ANKS1B: variants seen among roughly 807,000 people sequenced by gnomAD.
ANKS1B encodes the protein ankyrin repeat and sterile alpha motif domain-containing protein 1B.
In ANKS1B, 36 loss-of-function variants were observed where a neutral mutation model predicts 148.3. The observed-to-expected ratio is 0.24, with a 90% CI of 0.19 to 0.32. The LOEUF (loss-of-function observed/expected upper bound fraction) is 0.32. Ranked by LOEUF, ANKS1B falls within the 10% of genes least tolerant of loss-of-function variation. The pLI, the probability that ANKS1B is intolerant of heterozygous loss-of-function variation, is 1.00. For missense variants in ANKS1B, 1,157 were observed against 1,542.6 expected (o/e 0.75, Z 4.19); for synonymous variants, 542 against 560.8 (o/e 0.97, Z 0.47).
chr12:99,205,066 C>T (rs554025108), intron 14 of ANKS1B, among the ~76,000 whole-genome samples: 1 of 152,020 alleles, frequency 6.6e-6, no homozygotes, highest in Non-Finnish European at 1.5e-5. Context: ...AGGCCCCCCC[C>T]AAAAAGAAAA....
At chr12:99,655,483 T>C (rs941888186) in intron 8 of ANKS1B, among the ~76,000 whole-genome samples, 1 of 152,122 alleles carries the variant, frequency 6.6e-6, no homozygotes, top group South Asian at 2.1e-4. Context: ...TAATAAAATA[T>C]TTGAATAGCA....
chr12:99,825,281 C>G (rs761049098), intron 2 of ANKS1B, 28 bp downstream of exon 2: 26 of 1,580,032 alleles, frequency 1.6e-5, no homozygotes, highest in Non-Finnish European at 1.6e-5. Context: ...TAAATACACA[C>G]GATTCCGTCC....
chr12:99,962,652 T>G (rs1042231104), intron 1 of ANKS1B, among the ~76,000 whole-genome samples: 1 of 152,210 alleles, frequency 6.6e-6, no homozygotes, highest in African/African-American at 2.4e-5. Flanking sequence ...TTGAACTAAT[T>G]TATATGCCCA....
In ANKS1B at chr12:99,800,441, C is replaced by CAAAA. The variant is rs138056927; in HGVS notation, c.669+5959_669+5962dup. ...CAACCTAAGCAGACAATACAGAAGC[C>CAAAA]AAAAAAAAAAAAAAAAAAAACGGAG... is the stretch of plus-strand genomic sequence containing the variant. On this transcript the variant is annotated intron_variant, in intron 4 of 26. Transcript: ENST00000683438. 4.5e-4 allele frequency among the ~76,000 whole-genome samples: 39 copies of CAAAA among 86,740 alleles called. 1 individual carries two copies. Among genetic ancestry groups the CAAAA allele is most frequent in the African/African-American group, 1.5e-3 (36 of 23,372 alleles). The allele number at this position is 86,740 out of a possible 152,430, so 56.9% of individuals were successfully genotyped here. A position where few individuals can be genotyped will look rare whatever the true frequency, so the allele number is the denominator to read the frequency against.
intron 11 of ANKS1B, among the ~76,000 whole-genome samples, chr12:99,437,707 A>G (rs902845426): frequency 3.3e-5 from 5 of 151,898 alleles, no homozygotes; most frequent in African/African-American, 1.2e-4. Flanking sequence ...ACACCTCCTA[A>G]CAAAATATTT....
At chr12:99,207,385 TG>T (rs1389999116) in intron 14 of ANKS1B, among the ~76,000 whole-genome samples, 1 of 42,998 alleles carries the variant, frequency 2.3e-5, no homozygotes, top group African/African-American at 2.0e-4. Context: ...TAGATATTTA[TG>T]AAATATCAGT....
intron 17 of ANKS1B, among the ~76,000 whole-genome samples, chr12:98,886,104 A>T (rs2099739495): frequency 6.6e-6 from 1 of 152,196 alleles, no homozygotes; most frequent in Non-Finnish European, 1.5e-5. Context: ...AGCATATAGG[A>T]ACTAAATCTA....
At chr12:99,860,290 A>G (rs1476839957) in intron 1 of ANKS1B, among the ~76,000 whole-genome samples, 7 of 152,316 alleles carry the variant, frequency 4.6e-5, no homozygotes, top group African/African-American at 1.7e-4. Flanking sequence ...AAAGGCAAAA[A>G]CTACCTTCTA....
intron 12 of ANKS1B, among the ~76,000 whole-genome samples, chr12:99,318,806 T>C (rs2084668494): frequency 6.6e-6 from 1 of 152,188 alleles, no homozygotes; most frequent in African/African-American, 2.4e-5. Flanking sequence ...CGGTGGGCAT[T>C]TAGTGCTATA....
chr12:99,795,282 T>C lies in ANKS1B; in HGVS notation c.669+11122A>G, dbSNP rs190438941. On this transcript the variant is annotated intron_variant, in intron 4 of 26. Coordinates refer to ENST00000683438, the MANE Select transcript of ANKS1B (RefSeq NM_001352186.2). ...CTTTAAGACACTCTGAGGGAAAAAA[T>C]TGCCTAAAAAGAAATAATAATTAGA... Among the ~76,000 whole-genome samples the C allele has an allele frequency of 1.3e-4, 20 of 151,238 alleles. No homozygotes were observed. In the East Asian group the frequency reaches 3.9e-3, roughly 29 times the overall value.
At chr12:99,957,698 C>G (rs2153828902) in intron 1 of ANKS1B, among the ~76,000 whole-genome samples, 1 of 152,286 alleles carries the variant, frequency 6.6e-6, no homozygotes, top group Middle Eastern at 3.4e-3. Context: ...TGGCAATGGG[C>G]ACAATGCCTA....
chr12:99,469,101 T>C (rs2096190508), intron 10 of ANKS1B, among the ~76,000 whole-genome samples: 1 of 152,080 alleles, frequency 6.6e-6, no homozygotes, highest in Admixed American at 6.5e-5. Context: ...CATGGAATAC[T>C]ATGCAGACAT....
rs991631412 is a variant in ANKS1B at position 99,832,256 on chromosome 12, G to A, written c.135-6867C>T. ...AAATAAAAATATTCATATGAAGACT[G>A]CAGACACAAAAATATACACTGTAGA... On this transcript the variant is annotated intron_variant, in intron 1 of 26. Transcript: ENST00000683438. 9.2e-5 allele frequency among the ~76,000 whole-genome samples: 14 copies of A among 152,114 alleles called. 1 individual carries two copies. Among genetic ancestry groups the A allele is most frequent in the Admixed American group, 7.2e-4 (11 of 15,250 alleles).
intron 22 of ANKS1B, chr12:98,794,516 G>T: frequency 1.7e-6 from 1 of 593,718 alleles, no homozygotes; most frequent in Admixed American, 2.2e-5. Flanking sequence ...TTCTGTCTGG[G>T]GCCCATCCAC....
At chr12:99,035,177 G>A (rs2099954753) in intron 17 of ANKS1B, among the ~76,000 whole-genome samples, 1 of 152,118 alleles carries the variant, frequency 6.6e-6, no homozygotes, top group South Asian at 2.1e-4. Context: ...CTTCCCCAGG[G>A]TGGGTCATAG....
At chr12:98,983,681 ATCAGT>A (rs1410381971) in intron 17 of ANKS1B, among the ~76,000 whole-genome samples, 1 of 152,220 alleles carries the variant, frequency 6.6e-6, no homozygotes, top group Non-Finnish European at 1.5e-5. Flanking sequence ...CCATTACAGC[ATCAGT>A]TCAAAGTCTA....
At chr12:98,764,964 A>G (rs1353499669) in intron 25 of ANKS1B, among the ~76,000 whole-genome samples, 1 of 152,230 alleles carries the variant, frequency 6.6e-6, no homozygotes. Flanking sequence ...CAGGCACTCT[A>G]TCAATACAGG....
intron 17 of ANKS1B, among the ~76,000 whole-genome samples, chr12:98,884,851 C>A (rs114892156): frequency 0.015 from 2,297 of 151,330 alleles, 49 homozygotes; most frequent in African/African-American, 0.05. Flanking sequence ...GGGAGTCTCT[C>A]AGATGTGTAT....
chr12:99,308,047 A>G (rs1410462642), intron 12 of ANKS1B, among the ~76,000 whole-genome samples: 2 of 152,214 alleles, frequency 1.3e-5, no homozygotes, highest in Admixed American at 6.6e-5. Context: ...TGATTAAACA[A>G]ACGATTATAG....
Sources: allele counts gnomAD v4.1 joint callset (sites outside exome capture counted in the v4.1 genomes callset), GRCh38; gene constraint gnomAD v4.1.1; transcripts MANE v1.5; gene names NCBI Gene and HGNC (gene_info 2026-07-23, HGNC 2026-07-21).